Variants in HIP1 observed in about 807,000 individuals in gnomAD.
HIP1 encodes huntingtin-interacting protein 1.
A neutral mutation model predicts 147.6 loss-of-function variants in HIP1; 65 were observed. The observed-to-expected ratio is 0.44, with a 90% confidence interval of 0.36 to 0.54. HIP1 has a LOEUF of 0.54. HIP1 is among the 20% of genes least tolerant of loss of function. The pLI is 0.00. For synonymous variants in HIP1, 479 were observed against 504.0 expected (o/e 0.95, Z 0.67); for missense variants, 1,061 against 1,299.6 (o/e 0.82, Z 2.82).
intron 1 of HIP1, among the ~76,000 whole-genome samples, chr7:75,717,776 G>C (rs1274274019): frequency 6.6e-6 from 1 of 151,544 alleles, no homozygotes; most frequent in Admixed American, 6.6e-5. Context: ...TTTGAGACCA[G>C]CCTCACCAAC....
chr7:75,729,849 A>G (rs1271419603), intron 1 of HIP1, among the ~76,000 whole-genome samples: 6 of 152,184 alleles, frequency 3.9e-5, no homozygotes, highest in African/African-American at 1.4e-4. Flanking sequence ...TGTCCAGAAC[A>G]GGTGATTTAG....
chr7:75,724,603 C>T (rs1259757783), intron 1 of HIP1, among the ~76,000 whole-genome samples: 2 of 152,164 alleles, frequency 1.3e-5, no homozygotes, highest in South Asian at 2.1e-4. Context: ...GCCTAGCCAT[C>T]GCCACTAATT....
chr7:75,600,768 T>A (rs13235254), intron 1 of HIP1, among the ~76,000 whole-genome samples: 1 of 152,044 alleles, frequency 6.6e-6, no homozygotes, highest in Non-Finnish European at 1.5e-5. Context: ...ATTATTATTA[T>A]TTTTCGTCCT....
intron 1 of HIP1, among the ~76,000 whole-genome samples, chr7:75,605,209 C>T (rs1289576493): frequency 3.3e-5 from 5 of 152,154 alleles, no homozygotes; most frequent in African/African-American, 1.2e-4. Flanking sequence ...AAGCCCTGAA[C>T]CAGCACCCGC....
chr7:75,562,216 A>G, intron 11 of HIP1, 46 bp from the exon 12 acceptor site: 1 of 1,292,826 alleles, frequency 7.7e-7, no homozygotes, highest in Non-Finnish European at 1.1e-6. Context: ...AGAGCCAGAG[A>G]ATTCTGTGTG....
chr7:75,614,392 GACACAC>G (rs148907808), intron 1 of HIP1, among the ~76,000 whole-genome samples: 1 of 150,344 alleles, frequency 6.7e-6, no homozygotes, highest in Non-Finnish European at 1.5e-5. Flanking sequence ...CACACACATA[GACACAC>G]ACACACACAC....
intron 1 of HIP1, among the ~76,000 whole-genome samples, chr7:75,702,602 C>A (rs1356089199): frequency 6.6e-6 from 1 of 152,174 alleles, no homozygotes; most frequent in Non-Finnish European, 1.5e-5. Flanking sequence ...GCAGGTTGCA[C>A]AAGAAGCATG....
chr7:75,588,354 G>A (rs1156338141), intron 4 of HIP1, among the ~76,000 whole-genome samples: 18 of 152,094 alleles, frequency 1.2e-4, no homozygotes, highest in Admixed American at 5.2e-4. Flanking sequence ...CAAAAGGGAC[G>A]GAGGACAGAA....
At chr7:75,704,699 C>G (rs1481672135) in intron 1 of HIP1, among the ~76,000 whole-genome samples, 4 of 152,030 alleles carry the variant, frequency 2.6e-5, no homozygotes, top group African/African-American at 9.7e-5. Flanking sequence ...CCTCCCGTCT[C>G]AGTAGCTGGA....
At chr7:75,578,671 A>G (rs138307535) in intron 7 of HIP1, among the ~76,000 whole-genome samples, 165 of 152,316 alleles carry the variant, frequency 1.1e-3, no homozygotes, top group African/African-American at 3.8e-3. Flanking sequence ...CAACCAGACT[A>G]TCTCAAAAGA....
chr7:75,599,313 C>T, intron 1 of HIP1, 66 bp from the exon 2 acceptor site: 2 of 1,280,200 alleles, frequency 1.6e-6, no homozygotes, highest in Middle Eastern at 1.9e-4. Context: ...GTGGCTGAGA[C>T]CCTCCCAGAT....
At chr7:75,556,263 C>G (rs1441287772) in intron 17 of HIP1, 94 bp from the exon 18 acceptor site, 1 of 1,453,966 alleles carries the variant, frequency 6.9e-7, no homozygotes. Context: ...GTTGCAAGGA[C>G]TGGGAAGGTG....
chr7:75,738,167 C>T (rs1489362087), intron 1 of HIP1, among the ~76,000 whole-genome samples: 4 of 152,160 alleles, frequency 2.6e-5, no homozygotes, highest in Admixed American at 2.6e-4. Context: ...CCACTTTAGC[C>T]CCCAAAGTAA....
At chr7:75,583,731 G>A (rs1554499027) in intron 5 of HIP1, among the ~76,000 whole-genome samples, 2 of 149,288 alleles carry the variant, frequency 1.3e-5, no homozygotes, top group Non-Finnish European at 3.0e-5. Flanking sequence ...TGGTACTACA[G>A]GCATACACCA....
At chr7:75,561,125 G>A (rs1795215361) in intron 13 of HIP1, among the ~76,000 whole-genome samples, 1 of 151,770 alleles carries the variant, frequency 6.6e-6, no homozygotes, top group Admixed American at 6.6e-5. Context: ...GCTAATTATT[G>A]CATTTTTATT....
intron 2 of HIP1, among the ~76,000 whole-genome samples, chr7:75,597,075 C>T (rs1796774792): frequency 6.6e-6 from 1 of 152,088 alleles, no homozygotes; most frequent in Non-Finnish European, 1.5e-5. Context: ...GCAAGGGTAC[C>T]AAACGTGATG....
In HIP1 at chr7:75,631,276, T is replaced by C. The variant is rs1487938850; in HGVS notation, c.121-32029A>G. On this transcript the variant is annotated intron_variant, in intron 1 of 30. Transcript: ENST00000336926. ...GGCATAAGCCACCATGCCTGGCTTG[T>C]GTCAAGTACTTTAAGTGAGCATCTT... Among the ~76,000 whole-genome samples the C allele has an allele frequency of 5.3e-5, 8 of 152,194 alleles. No individual in the cohort carries two copies. In the East Asian group the frequency reaches 1.3e-3, roughly 26 times the overall value.
At chr7:75,675,643 A>G (rs551089876) in intron 1 of HIP1, among the ~76,000 whole-genome samples, 1 of 151,686 alleles carries the variant, frequency 6.6e-6, no homozygotes, top group Non-Finnish European at 1.5e-5. Context: ...TTCATTTTTT[A>G]GACATGGTTT....
At chr7:75,607,462 C>T (rs1797270947) in intron 1 of HIP1, among the ~76,000 whole-genome samples, 1 of 149,018 alleles carries the variant, frequency 6.7e-6, no homozygotes. Flanking sequence ...TTCCTGACCT[C>T]AGGTGATCCG....
Sources: gnomAD v4.1 joint callset for allele counts (sites outside exome capture counted in the v4.1 genomes callset) on GRCh38, gnomAD v4.1.1 for gene constraint, MANE v1.5 for transcripts, NCBI Gene and HGNC (gene_info 2026-07-23, HGNC 2026-07-21) for gene names.